Variants in COL22A1 observed in about 807,000 individuals in gnomAD.
COL22A1 encodes the protein collagen alpha-1(XXII) chain.
A neutral mutation model predicts 248.9 loss-of-function variants in COL22A1; 221 were observed. That is an observed-to-expected ratio of 0.89 (90% CI 0.80 to 0.99). The LOEUF (loss-of-function observed/expected upper bound fraction) is 0.99, where lower values mean the gene tolerates loss of function less well. COL22A1 is among the 50% of genes least tolerant of loss of function. The probability of loss-of-function intolerance (pLI) is 0.00; values close to 1 mark genes in which losing one functional copy is unlikely to be tolerated. For synonymous variants in COL22A1, 891 were observed against 793.4 expected (o/e 1.12, Z -2.07); for missense variants, 2,240 against 2,179.0 (o/e 1.03, Z -0.56).
chr8:138,841,240 G>A (rs1820859408), intron 4 of COL22A1, among the ~76,000 whole-genome samples: 1 of 152,124 alleles, frequency 6.6e-6, no homozygotes, highest in Non-Finnish European at 1.5e-5. Context: ...GTCAGGTACG[G>A]TCCTCTACTC....
At chr8:138,866,216 A>C (rs1242423843) in intron 3 of COL22A1, among the ~76,000 whole-genome samples, 1 of 152,228 alleles carries the variant, frequency 6.6e-6, no homozygotes, top group Non-Finnish European at 1.5e-5. Context: ...CGATTAATCA[A>C]CCACATTTCT....
intron 42 of COL22A1, among the ~76,000 whole-genome samples, chr8:138,662,492 C>G (rs1226886520): frequency 6.6e-6 from 1 of 152,206 alleles, no homozygotes; most frequent in African/African-American, 2.4e-5. Context: ...CCCAGCACAA[C>G]ACTCAGCATA....
At chr8:138,886,421 G>A (rs1322008215) in intron 1 of COL22A1, among the ~76,000 whole-genome samples, 1 of 152,112 alleles carries the variant, frequency 6.6e-6, no homozygotes, top group Non-Finnish European at 1.5e-5. Context: ...GAAAGGAAGA[G>A]CAGAGGGGAA....
chr8:138,755,101 C>T (rs894677132), intron 21 of COL22A1, 56 bp downstream of exon 21: 18 of 1,553,842 alleles, frequency 1.2e-5, no homozygotes, highest in Admixed American at 3.4e-5. Context: ...ATCTTCCAAA[C>T]CCATTGGTAA....
At position 138,688,007 on chromosome 8, in the gene COL22A1, C is replaced by A. The variant is rs7813976; in HGVS notation, c.2862+910G>T. On this transcript the variant is annotated intron_variant, in intron 37 of 64. Transcript: ENST00000303045. The stretch of plus-strand genomic sequence containing the variant: ...TATCAATGCAACTAGGGCAAGAGAG[C>A]TGGCATTTGACTCAGGTCCAAACGC... 5.7e-3 allele frequency among the ~76,000 whole-genome samples: 870 copies of A among 152,302 alleles called. 11 individuals carry two copies. Among genetic ancestry groups the A allele is most frequent in the African/African-American group, 0.018 (767 of 41,562 alleles).
intron 31 of COL22A1, among the ~76,000 whole-genome samples, chr8:138,701,466 T>C (rs766333022): frequency 4.6e-5 from 7 of 152,348 alleles, no homozygotes; most frequent in Admixed American, 1.3e-4. Flanking sequence ...TTGCCCTCCA[T>C]GTCCCCAACC....
chr8:138,782,053 T>G (rs539589456), intron 12 of COL22A1, among the ~76,000 whole-genome samples: 78 of 152,380 alleles, frequency 5.1e-4, no homozygotes, highest in Non-Finnish European at 8.7e-4. Context: ...TCTACAAACA[T>G]GCAGGCATAT....
chr8:138,718,149 G>A (rs905130753), intron 27 of COL22A1, among the ~76,000 whole-genome samples: 1 of 152,022 alleles, frequency 6.6e-6, no homozygotes, highest in African/African-American at 2.4e-5. Context: ...TTAAAAGTGT[G>A]GCTTAGTGTA....
intron 3 of COL22A1, among the ~76,000 whole-genome samples, chr8:138,877,497 T>C (rs1823811699): frequency 6.6e-6 from 1 of 152,170 alleles, no homozygotes; most frequent in African/African-American, 2.4e-5. Flanking sequence ...TTCTTGCCTC[T>C]GCCCGCGACC....
At chr8:138,604,370 C>G (rs1460424918) in intron 59 of COL22A1, among the ~76,000 whole-genome samples, 1 of 152,140 alleles carries the variant, frequency 6.6e-6, no homozygotes. Flanking sequence ...CTGCAGTGTT[C>G]AAGTGAGAGC....
At chr8:138,824,902 A>T (rs893626433) in intron 6 of COL22A1, among the ~76,000 whole-genome samples, 2 of 152,214 alleles carry the variant, frequency 1.3e-5, no homozygotes, top group African/African-American at 4.8e-5. Context: ...TCAAATCTCA[A>T]GACAGACTTC....
intron 23 of COL22A1, among the ~76,000 whole-genome samples, chr8:138,727,864 G>T (rs1357155539): frequency 6.6e-6 from 1 of 152,128 alleles, no homozygotes; most frequent in African/African-American, 2.4e-5. Context: ...AGGGCTGCTG[G>T]AAGGCTTTAA....
intron 41 of COL22A1, 145 bp downstream of exon 41, chr8:138,676,413 A>AAGAAAGAAAGAACG: frequency 3.1e-6 from 1 of 325,194 alleles, no homozygotes. Context: ...AAAAGAAAGA[A>AAGAAAGAAAGAACG]AAAGAAAGAA....
At chr8:138,685,404 C>A in intron 37 of COL22A1, 92 bp from the exon 38 acceptor site, 1 of 970,188 alleles carries the variant, frequency 1.0e-6, no homozygotes, top group South Asian at 1.4e-5. Flanking sequence ...TGTAGGTTTC[C>A]TGGGGCTGCC....
chr8:138,734,788 A>G (rs1451989181), intron 23 of COL22A1, among the ~76,000 whole-genome samples: 2 of 152,268 alleles, frequency 1.3e-5, no homozygotes, highest in Non-Finnish European at 2.9e-5. Context: ...ATGCCCATCA[A>G]TGATAGACTG....
chr8:138,890,590 G>A (rs1231816197), intron 1 of COL22A1, among the ~76,000 whole-genome samples: 1 of 152,096 alleles, frequency 6.6e-6, no homozygotes, highest in Non-Finnish European at 1.5e-5. Flanking sequence ...TGTGACTACA[G>A]GCACATATCA....
chr8:138,690,130 C>G (rs528068992), intron 36 of COL22A1, among the ~76,000 whole-genome samples: 75 of 152,342 alleles, frequency 4.9e-4, no homozygotes, highest in African/African-American at 1.7e-3. Flanking sequence ...GCTCAGTCCT[C>G]TAAGCTACTA....
intron 50 of COL22A1, among the ~76,000 whole-genome samples, chr8:138,628,718 T>C (rs1188498561): frequency 6.6e-6 from 1 of 151,940 alleles, no homozygotes; most frequent in Non-Finnish European, 1.5e-5. Flanking sequence ...TTAGTACAGT[T>C]TAATTCCAAG....
At chr8:138,857,067 C>A (rs4736285) in intron 3 of COL22A1, among the ~76,000 whole-genome samples, 24,290 of 151,942 alleles carry the variant, frequency 0.16, 2,144 homozygotes, top group South Asian at 0.25. Context: ...CCTGGCCTTG[C>A]TGTCCGCATC....
Sources: allele counts gnomAD v4.1 joint callset (sites outside exome capture counted in the v4.1 genomes callset), GRCh38; gene constraint gnomAD v4.1.1; transcripts MANE v1.5; gene names NCBI Gene and HGNC (gene_info 2026-07-23, HGNC 2026-07-21).